Variants in SLIT3 observed in about 807,000 individuals in gnomAD.
SLIT3 encodes the protein slit homolog 3 protein.
In SLIT3, 68 loss-of-function variants were observed where a neutral mutation model predicts 184.0. The observed-to-expected ratio is 0.37, with a 90% CI of 0.30 to 0.45. The LOEUF (loss-of-function observed/expected upper bound fraction) is 0.45, where lower values mean the gene tolerates loss of function less well. SLIT3 is among the 20% of genes least tolerant of loss of function. The probability of loss-of-function intolerance (pLI) is 1.00; values close to 1 mark genes in which losing one functional copy is unlikely to be tolerated. For missense variants in SLIT3, 1,707 were observed against 2,026.0 expected (o/e 0.84, Z 3.02); for synonymous variants, 831 against 828.6 (o/e 1.00, Z -0.05).
intron 3 of SLIT3, among the ~76,000 whole-genome samples, chr5:169,229,995 G>C (rs1053829423): frequency 6.6e-6 from 1 of 152,014 alleles, no homozygotes; most frequent in African/African-American, 2.4e-5. Context: ...CTCTTCCTTC[G>C]GTCTCACAGT....
chr5:168,823,320 T>C lies in SLIT3; in HGVS notation c.569A>G (p.Asn190Ser). ...GACCAGGATGCGACTGATGTTGTTGTTGTTGAGGGTACTGTGGAGATAGAC... is the reference window on the plus strand; with the variant it reads ...GACCAGGATGCGACTGATGTTGTTGCTGTTGAGGGTACTGTGGAGATAGAC... ...LRDLEILTLNNNNISRILVTS... is the reference protein window; with the variant it reads ...LRDLEILTLNSNNISRILVTS... Residue 190 changes from asparagine (N) to serine (S), a missense_variant, in exon 7 of 36, where the codon AAC becomes AGC. Transcript: ENST00000519560. 6.2e-7 allele frequency: 1 copy of C among 1,613,746 alleles called. No homozygotes were observed. Among genetic ancestry groups the C allele is most frequent in the Non-Finnish European group, 8.5e-7 (1 of 1,179,710 alleles).
At chr5:169,121,530 G>A (rs1760872116) in intron 4 of SLIT3, among the ~76,000 whole-genome samples, 1 of 152,158 alleles carries the variant, frequency 6.6e-6, no homozygotes. Context: ...CACTTCCATA[G>A]TTAACCAGTG....
intron 20 of SLIT3, among the ~76,000 whole-genome samples, chr5:168,727,874 A>T (rs1763181285): frequency 6.6e-6 from 1 of 152,116 alleles, no homozygotes; most frequent in Non-Finnish European, 1.5e-5. Context: ...CATAATTCAC[A>T]CACCTGCAGG....
intron 4 of SLIT3, among the ~76,000 whole-genome samples, chr5:168,920,801 TCTCC>T (rs1185909029): frequency 4.9e-5 from 7 of 143,260 alleles, no homozygotes; most frequent in East Asian, 2.0e-4. Flanking sequence ...CAAGTCTCTC[TCTCC>T]CTATTTTTTT....
At chr5:168,882,628 A>G (rs1057119024) in intron 5 of SLIT3, among the ~76,000 whole-genome samples, 1 of 152,164 alleles carries the variant, frequency 6.6e-6, no homozygotes, top group African/African-American at 2.4e-5. Context: ...GTCAGATGCT[A>G]CCATTGGAGG....
chr5:169,102,542 GATGT>G (rs1760059553), intron 4 of SLIT3, among the ~76,000 whole-genome samples: 1 of 152,084 alleles, frequency 6.6e-6, no homozygotes, highest in Non-Finnish European at 1.5e-5. Flanking sequence ...ATATTTATTA[GATGT>G]ATTTTAAAAT....
intron 4 of SLIT3, among the ~76,000 whole-genome samples, chr5:168,913,763 AAAAC>A (rs1259526544): frequency 6.6e-5 from 10 of 151,788 alleles, no homozygotes; most frequent in Admixed American, 2.0e-4. Context: ...CAAACAAACA[AAAAC>A]AAACAAACAA....
chr5:168,680,036 G>C (rs1761534858), intron 32 of SLIT3, among the ~76,000 whole-genome samples: 1 of 152,216 alleles, frequency 6.6e-6, no homozygotes, highest in African/African-American at 2.4e-5. Context: ...ATCTCACATA[G>C]AAACCCCGGT....
chr5:169,299,195 C>G (rs1440089522), intron 1 of SLIT3, among the ~76,000 whole-genome samples: 4 of 152,002 alleles, frequency 2.6e-5, no homozygotes, highest in African/African-American at 4.8e-5. Flanking sequence ...TTCAACCCAA[C>G]AAAACAATCA....
At chr5:169,279,639 G>T (rs952102718) in intron 1 of SLIT3, among the ~76,000 whole-genome samples, 1 of 152,070 alleles carries the variant, frequency 6.6e-6, no homozygotes, top group African/African-American at 2.4e-5. Flanking sequence ...CTATATAAAA[G>T]GATATCATAC....
At chr5:169,177,877 C>T (rs1441607624) in intron 4 of SLIT3, among the ~76,000 whole-genome samples, 4 of 152,196 alleles carry the variant, frequency 2.6e-5, no homozygotes, top group Non-Finnish European at 4.4e-5. Flanking sequence ...ACTCTCCCAA[C>T]AGCAGGATGG....
At chr5:169,122,069 G>A (rs1760897268) in intron 4 of SLIT3, among the ~76,000 whole-genome samples, 1 of 152,204 alleles carries the variant, frequency 6.6e-6, no homozygotes, top group Non-Finnish European at 1.5e-5. Flanking sequence ...TGAGGGTGAG[G>A]AGTTGGCCAG....
intron 20 of SLIT3, among the ~76,000 whole-genome samples, chr5:168,731,510 C>T (rs1335553825): frequency 6.6e-6 from 1 of 151,860 alleles, no homozygotes; most frequent in African/African-American, 2.4e-5. Context: ...AAAAAGAAAA[C>T]TACAGGCTAA....
intron 3 of SLIT3, among the ~76,000 whole-genome samples, chr5:169,204,305 T>C (rs187759617): frequency 1.3e-5 from 2 of 151,936 alleles, no homozygotes; most frequent in Admixed American, 6.6e-5. Context: ...CTGCAAAGAG[T>C]TGCTTGGTCC....
rs1038391901 is a variant in SLIT3 at position 169,010,866 on chromosome 5, G to A, written c.414-127530C>T. On this transcript the variant is annotated intron_variant, in intron 4 of 35. Coordinates refer to ENST00000519560, the MANE Select transcript of SLIT3 (RefSeq NM_003062.4). ...AGAGGGTGCAGTGAGCCGAGATCGC[G>A]CCACTGCACTCCAGCCTGGGCGACA... Among the ~76,000 whole-genome samples the A allele has an allele frequency of 7.5e-5, 11 of 147,470 alleles. No homozygotes were observed. The South Asian group carries it at 1.1e-3, about 14-fold the overall frequency.
intron 5 of SLIT3, among the ~76,000 whole-genome samples, chr5:168,860,868 C>T (rs1759077502): frequency 6.6e-6 from 1 of 152,208 alleles, no homozygotes; most frequent in Non-Finnish European, 1.5e-5. Flanking sequence ...TTTCCCCTTG[C>T]TCCTGTTTCT....
intron 20 of SLIT3, among the ~76,000 whole-genome samples, chr5:168,732,682 C>G (rs1763323418): frequency 6.6e-6 from 1 of 152,088 alleles, no homozygotes; most frequent in Non-Finnish European, 1.5e-5. Context: ...CTACAACTAA[C>G]TGATCTTCAC....
At chr5:169,247,618 C>G (rs1765636607) in intron 2 of SLIT3, among the ~76,000 whole-genome samples, 2 of 152,182 alleles carry the variant, frequency 1.3e-5, no homozygotes, top group South Asian at 4.1e-4. Flanking sequence ...CCGTTTCCAC[C>G]TTGTGCAGGC....
At chr5:169,114,004 T>C (rs1009973809) in intron 4 of SLIT3, among the ~76,000 whole-genome samples, 1 of 152,164 alleles carries the variant, frequency 6.6e-6, no homozygotes, top group Admixed American at 6.5e-5. Context: ...TGTGAGTGCA[T>C]GGCACACAGA....
Sources: gnomAD v4.1 joint callset for allele counts (sites outside exome capture counted in the v4.1 genomes callset) on GRCh38, gnomAD v4.1.1 for gene constraint, MANE v1.5 for transcripts, NCBI Gene and HGNC (gene_info 2026-07-23, HGNC 2026-07-21) for gene names.